Variants in VPS13B observed in about 807,000 individuals in gnomAD.
VPS13B encodes the protein vacuolar protein sorting 13 homolog B.
VPS13B carries 285 observed loss-of-function variants against 426.4 expected under a neutral mutation model. The observed-to-expected ratio is 0.67, with a 90% CI of 0.61 to 0.74. The LOEUF (loss-of-function observed/expected upper bound fraction) is 0.74, where lower values mean the gene tolerates loss of function less well. VPS13B is among the 30% of genes least tolerant of loss of function. The pLI is 0.00. For missense variants in VPS13B, 4,537 were observed against 4,782.6 expected, an observed-to-expected ratio of 0.95 and a Z score of 1.51; for synonymous variants, 1,676 against 1,676.4, an observed-to-expected ratio of 1.00 and a Z score of 0.01.
In VPS13B at chr8:99,828,413, T is replaced by TGC. The variant is rs1563495314; in HGVS notation, c.9331-3956_9331-3955insGC. On this transcript the variant is annotated intron_variant, in intron 51 of 61. Transcript: ENST00000357162. ...ACCACCGTTTTTTTTTTTTTTTTTTTTTTTTTTTTTTTTTTTTTTTTGCTT... is the reference window on the plus strand; with the variant it reads ...ACCACCGTTTTTTTTTTTTTTTTTTTGCTTTTTTTTTTTTTTTTTTTTTGCTT... Among the ~76,000 whole-genome samples the TGC allele has an allele frequency of 1.6e-4, 18 of 114,366 alleles. 2 individuals carry two copies. The highest frequency in any genetic ancestry group is 5.2e-4 in the African/African-American group (15 of 28,950). The allele number at this position is 114,366 out of a possible 152,430, so 75.0% of individuals were successfully genotyped here.
chr8:99,233,571 G>T, intron 17 of VPS13B: 2 of 1,161,346 alleles, frequency 1.7e-6, no homozygotes, highest in Non-Finnish European at 2.6e-6. Context: ...TATCTGGAGT[G>T]GGTATTAACA....
intron 2 of VPS13B, among the ~76,000 whole-genome samples, chr8:99,029,597 C>A (rs1487288277): frequency 1.3e-5 from 2 of 152,074 alleles, no homozygotes; most frequent in Admixed American, 1.3e-4. Flanking sequence ...CACAGCAAAA[C>A]CCTGTCTCCA....
intron 12 of VPS13B, among the ~76,000 whole-genome samples, chr8:99,140,986 G>C (rs954296972): frequency 6.6e-6 from 1 of 152,056 alleles, no homozygotes; most frequent in Middle Eastern, 3.4e-3. Context: ...TGTTTAAGGG[G>C]GTTATTACAA....
At chr8:99,333,376 C>T (rs934272872) in intron 19 of VPS13B, among the ~76,000 whole-genome samples, 16 of 151,618 alleles carry the variant, frequency 1.1e-4, no homozygotes, top group African/African-American at 2.7e-4. Context: ...CAAAATAATA[C>T]GGAAGGATCC....
intron 8 of VPS13B, among the ~76,000 whole-genome samples, chr8:99,127,262 G>A (rs932910856): frequency 2.0e-5 from 3 of 152,012 alleles, no homozygotes; most frequent in African/African-American, 7.3e-5. Flanking sequence ...AACTCCCAAG[G>A]TGATATAACT....
At chr8:99,194,269 AC>A (rs1420647057) in intron 17 of VPS13B, among the ~76,000 whole-genome samples, 1 of 152,118 alleles carries the variant, frequency 6.6e-6, no homozygotes, top group African/African-American at 2.4e-5. Context: ...AGTTTTCTGA[AC>A]CCCCTGAAGT....
chr8:99,836,633 A>T (rs1441365949), intron 54 of VPS13B, among the ~76,000 whole-genome samples: 1 of 152,162 alleles, frequency 6.6e-6, no homozygotes, highest in Non-Finnish European at 1.5e-5. Context: ...ATATTGTGCC[A>T]TACTTTTTTA....
At chr8:99,283,616 A>T (rs1819277987) in intron 19 of VPS13B, among the ~76,000 whole-genome samples, 2 of 152,190 alleles carry the variant, frequency 1.3e-5, no homozygotes, top group African/African-American at 2.4e-5. Flanking sequence ...TTGATGGTAG[A>T]TGCTTGAAAA....
chr8:99,583,356 T>C (rs1332702106), intron 33 of VPS13B, among the ~76,000 whole-genome samples: 1 of 152,206 alleles, frequency 6.6e-6, no homozygotes, highest in Non-Finnish European at 1.5e-5. Flanking sequence ...TAAGTATTAT[T>C]ATTTACTACA....
chr8:99,847,532 G>A (rs1816045792), intron 54 of VPS13B, among the ~76,000 whole-genome samples: 1 of 152,162 alleles, frequency 6.6e-6, no homozygotes, highest in Admixed American at 6.5e-5. Context: ...GGCGTGGTGA[G>A]TAGTGAGTGG....
intron 24 of VPS13B, among the ~76,000 whole-genome samples, chr8:99,471,538 A>G (rs908704715): frequency 1.1e-4 from 16 of 152,198 alleles, no homozygotes; most frequent in African/African-American, 3.9e-4. Flanking sequence ...CAAAAAGTCA[A>G]TAGAGAAATT....
At chr8:99,683,997 T>C (rs1001926602) in intron 35 of VPS13B, among the ~76,000 whole-genome samples, 1 of 152,230 alleles carries the variant, frequency 6.6e-6, no homozygotes, top group Non-Finnish European at 1.5e-5. Flanking sequence ...TTCATCAGGT[T>C]AAGTTTCCCT....
chr8:99,140,549 T>G (rs543740118), intron 12 of VPS13B, among the ~76,000 whole-genome samples: 10 of 150,794 alleles, frequency 6.6e-5, no homozygotes, highest in African/African-American at 2.4e-4. Context: ...CTTCTCTTCT[T>G]CTCCTCCTTC....
intron 19 of VPS13B, among the ~76,000 whole-genome samples, chr8:99,358,457 A>G (rs889116132): frequency 6.6e-6 from 1 of 152,228 alleles, no homozygotes. Context: ...ACAGTAGTGT[A>G]AAGATAGTTG....
At chr8:99,630,667 G>C (rs1212427077) in intron 33 of VPS13B, among the ~76,000 whole-genome samples, 1 of 147,930 alleles carries the variant, frequency 6.8e-6, no homozygotes, top group African/African-American at 2.5e-5. Context: ...CTAGGTGCTA[G>C]GTGATAATGT....
chr8:99,642,186 T>A lies in VPS13B; in HGVS notation c.5596T>A (p.Cys1866Ser). 1 of 1,614,174 alleles carries A rather than the reference T, an allele frequency of 6.2e-7. No individual in the cohort carries two copies. ...AGATGTTGCTAAGCCCAACCAGGCA[T>A]GTATTTCCACGGTGACAGCAGAAGA... is the stretch of plus-strand genomic sequence containing the variant. ...DSDVAKPNQA[C>S]ISTVTAEDLL... Residue 1866 changes from cysteine to serine, a missense_variant, in exon 34 of 62, where the codon TGT becomes AGT. Physicochemically the swap from Cys to Ser is moderately radical, Grantham distance 112. Coordinates refer to ENST00000357162, the MANE Select transcript of VPS13B (RefSeq NM_152564.5).
intron 41 of VPS13B, 137 bp from the exon 42 acceptor site, chr8:99,778,545 A>G (rs1811854934): frequency 8.7e-6 from 7 of 801,640 alleles, no homozygotes. Context: ...TCTTCAATAA[A>G]TAATTTGAAT....
intron 3 of VPS13B, among the ~76,000 whole-genome samples, chr8:99,049,439 A>G (rs1404783539): frequency 6.6e-6 from 1 of 152,170 alleles, no homozygotes; most frequent in Non-Finnish European, 1.5e-5. Flanking sequence ...TGCTGGATAC[A>G]AAATTCTTGG....
At chr8:99,544,207 G>T (rs1459403851) in intron 30 of VPS13B, among the ~76,000 whole-genome samples, 2 of 151,970 alleles carry the variant, frequency 1.3e-5, no homozygotes, top group East Asian at 3.9e-4. Flanking sequence ...GTAGACTATC[G>T]CAAGAACAAA....
Sources: allele counts gnomAD v4.1 joint callset (sites outside exome capture counted in the v4.1 genomes callset), GRCh38; gene constraint gnomAD v4.1.1; transcripts MANE v1.5; gene names NCBI Gene and HGNC (gene_info 2026-07-23, HGNC 2026-07-21).